The following PCDHGA7 variants were observed in gnomAD, a reference collection of about 807,000 sequenced individuals.
The protein encoded by PCDHGA7 is protocadherin gamma-A7.
PCDHGA7 carries 44 observed loss-of-function variants against 58.3 expected under a neutral mutation model. The observed-to-expected ratio is 0.75, with a 90% CI of 0.59 to 0.97. The LOEUF is 0.97. Ranked by LOEUF, PCDHGA7 falls within the 50% of genes least tolerant of loss-of-function variation. The probability of loss-of-function intolerance (pLI) is 0.00; values close to 1 mark genes in which losing one functional copy is unlikely to be tolerated. For synonymous variants in PCDHGA7, 516 were observed against 504.2 expected (o/e 1.02, Z -0.31); for missense variants, 1,266 against 1,188.7 (o/e 1.06, Z -0.96).
At chr5:141,410,049 T>A in intron 1 of PCDHGA7, 1 of 1,613,184 alleles carries the variant, frequency 6.2e-7, no homozygotes, top group Admixed American at 1.7e-5. Flanking sequence ...GAGCCCGGAC[T>A]CTTCAGCCTG....
intron 1 of PCDHGA7, among the ~76,000 whole-genome samples, chr5:141,450,006 CTTTTT>C (rs1554136305): frequency 1.5e-5 from 2 of 132,980 alleles, no homozygotes; most frequent in African/African-American, 2.8e-5. Flanking sequence ...TGCCATGTCT[CTTTTT>C]TTTTTTTTTT....
At chr5:141,399,189 A>G (rs1015744299) in intron 1 of PCDHGA7, 11 of 1,613,970 alleles carry the variant, frequency 6.8e-6, no homozygotes, top group African/African-American at 1.3e-5. Context: ...TGATTCTGGA[A>G]AACGCGGTGC....
chr5:141,388,374 A>G (rs1169150224), intron 1 of PCDHGA7: 1 of 1,614,020 alleles, frequency 6.2e-7, no homozygotes, highest in South Asian at 1.1e-5. Flanking sequence ...GGATATTGGT[A>G]GCAACACACT....
At chr5:141,447,238 C>G (rs1028683423) in intron 1 of PCDHGA7, among the ~76,000 whole-genome samples, 2 of 152,148 alleles carry the variant, frequency 1.3e-5, no homozygotes, top group Non-Finnish European at 2.9e-5. Context: ...CTCCCGGGTT[C>G]AAGTGATTCT....
At chr5:141,482,442 C>A (rs942933015) in intron 1 of PCDHGA7, among the ~76,000 whole-genome samples, 23 of 147,678 alleles carry the variant, frequency 1.6e-4, no homozygotes, top group African/African-American at 5.6e-4. Context: ...CTGATATTCA[C>A]CATTTATTAG....
chr5:141,441,885 CA>C, intron 1 of PCDHGA7: 1 of 345,036 alleles, frequency 2.9e-6, no homozygotes. Context: ...ACCTGGTCAC[CA>C]AGGTGGTGGC....
chr5:141,434,174 C>T (rs1310074584), intron 1 of PCDHGA7, among the ~76,000 whole-genome samples: 1 of 152,132 alleles, frequency 6.6e-6, no homozygotes, highest in Non-Finnish European at 1.5e-5. Flanking sequence ...GGGATTATAT[C>T]CAAGATTTGT....
chr5:141,484,266 T>G (rs2099593967), intron 1 of PCDHGA7, among the ~76,000 whole-genome samples: 1 of 152,220 alleles, frequency 6.6e-6, no homozygotes, highest in Non-Finnish European at 1.5e-5. Flanking sequence ...ACACTGATTC[T>G]TTACTGTTTT....
At chr5:141,410,011 G>A in intron 1 of PCDHGA7, 1 of 1,613,302 alleles carries the variant, frequency 6.2e-7, no homozygotes, top group Non-Finnish European at 8.5e-7. Context: ...ACAACGCCTG[G>A]CTGTCCTACC....
intron 1 of PCDHGA7, 127 bp downstream of exon 1, chr5:141,385,450 CA>C (rs1781205135): frequency 4.1e-6 from 6 of 1,446,726 alleles, no homozygotes; most frequent in Admixed American, 5.7e-5. Context: ...ATGAGTTTAC[CA>C]GTTTCCTTCA....
intron 1 of PCDHGA7, chr5:141,417,532 TA>T (rs1457524771): frequency 6.7e-5 from 19 of 284,780 alleles, no homozygotes; most frequent in South Asian, 1.5e-4. Context: ...ACTCGTAGTT[TA>T]AAAAAAATTC....
intron 1 of PCDHGA7, chr5:141,389,267 G>A: frequency 6.2e-7 from 1 of 1,614,008 alleles, no homozygotes; most frequent in African/African-American, 1.3e-5. Flanking sequence ...ACGTGGCCGA[G>A]AACAACCCGC....
At chr5:141,387,643 C>G in intron 1 of PCDHGA7, 1 of 625,670 alleles carries the variant, frequency 1.6e-6, no homozygotes, top group Non-Finnish European at 2.7e-6. Flanking sequence ...CGCTGTTGGC[C>G]AAAGTGGAGA....
rs769671283 is a variant in PCDHGA7, at chr5:141,511,391, C to T, written c.*218C>T. On this transcript the variant is annotated 3_prime_UTR_variant, in exon 4 of 4. Transcript: ENST00000518325. Reference sequence around the variant, plus strand: ...TGCAAAAGCAGTTCCGCTGGGAACCCCCATCCAATCAACTGCTGTACCCAT... The same window carrying T: ...TGCAAAAGCAGTTCCGCTGGGAACCTCCATCCAATCAACTGCTGTACCCAT... The T allele has an allele frequency of 6.4e-5, 69 of 1,079,630 alleles. No individual in the cohort carries two copies. The highest frequency in any genetic ancestry group is 1.5e-4 in the Admixed American group (5 of 34,354). 66.9% of individuals were successfully genotyped at this position (1,079,630 alleles called of 1,614,324 possible). A position where few individuals can be genotyped will look rare whatever the true frequency, so the allele number is the denominator to read the frequency against.
At chr5:141,418,621 C>G (rs765634746) in intron 1 of PCDHGA7, 2 of 1,613,916 alleles carry the variant, frequency 1.2e-6, no homozygotes, top group Non-Finnish European at 1.7e-6. Flanking sequence ...TTCGGGAAGA[C>G]GTGCCTCCAG....
chr5:141,509,900 C>T (rs2099878860), intron 3 of PCDHGA7, among the ~76,000 whole-genome samples: 1 of 152,186 alleles, frequency 6.6e-6, no homozygotes, highest in Admixed American at 6.5e-5. Context: ...CTGTCCCTTC[C>T]AGCATGCGCT....
intron 1 of PCDHGA7, among the ~76,000 whole-genome samples, chr5:141,462,086 A>C (rs993185274): frequency 6.6e-6 from 1 of 151,410 alleles, no homozygotes; most frequent in Non-Finnish European, 1.5e-5. Flanking sequence ...GCCTCCCAAA[A>C]TGCTGGGATT....
At chr5:141,424,959 C>A (rs1561817087) in intron 1 of PCDHGA7, among the ~76,000 whole-genome samples, 4 of 152,152 alleles carry the variant, frequency 2.6e-5, no homozygotes, top group Non-Finnish European at 5.9e-5. Flanking sequence ...TAGGTATTTG[C>A]CCCAAATTAC....
chr5:141,393,080 G>A (rs747012880), intron 1 of PCDHGA7: 1 of 1,613,694 alleles, frequency 6.2e-7, no homozygotes, highest in Non-Finnish European at 8.5e-7. Flanking sequence ...CCGCGGGCAG[G>A]ATAGATCGGG....
Sources: allele counts gnomAD v4.1 joint callset (sites outside exome capture counted in the v4.1 genomes callset), GRCh38; gene constraint gnomAD v4.1.1; transcripts MANE v1.5; gene names NCBI Gene and HGNC (gene_info 2026-07-23, HGNC 2026-07-21).